The following C9orf153 variants were observed in gnomAD, a reference collection of about 807,000 sequenced individuals.
C9orf153 encodes chromosome 9 open reading frame 153, also known as uncharacterized protein C9orf153.
A neutral mutation model predicts 9.0 loss-of-function variants in C9orf153; 10 were observed. The ratio of observed to expected loss-of-function variants is 1.11; its 90% CI spans 0.69 to 1.89. The LOEUF (loss-of-function observed/expected upper bound fraction) is 1.89. Among genes scored for constraint, C9orf153 ranks in the 40% most tolerant of loss-of-function variants. The pLI is 0.00. For missense variants in C9orf153, 108 were observed against 111.0 expected, an observed-to-expected ratio of 0.97 and a Z score of 0.12; for synonymous variants, 35 against 37.3, an observed-to-expected ratio of 0.94 and a Z score of 0.23.
intron 1 of C9orf153, among the ~76,000 whole-genome samples, chr9:86,249,975 A>C (rs1007007056): frequency 6.6e-6 from 1 of 152,208 alleles, no homozygotes; most frequent in African/African-American, 2.4e-5. Context: ...CTACCACTCA[A>C]TGGGGTATAG....
In C9orf153 at chr9:86,228,044, A is replaced by T; in HGVS notation, c.67-14T>A. The T allele has an allele frequency of 1.9e-6, 3 of 1,567,948 alleles. No individual in the cohort carries two copies. Among genetic ancestry groups the T allele is most frequent in the African/African-American group, 1.4e-5 (1 of 73,110 alleles). On this transcript the variant is annotated splice_polypyrimidine_tract_variant and intron_variant, in intron 2 of 3. Transcript: ENST00000339137. ...TAATTCTGGAAGCTGTGGACAAAAAAAAAAGTGGTAAGTCACGAGACTGAC... is the reference window on the plus strand; with the variant it reads ...TAATTCTGGAAGCTGTGGACAAAAATAAAAGTGGTAAGTCACGAGACTGAC...
intron 2 of C9orf153, among the ~76,000 whole-genome samples, chr9:86,228,360 G>A (rs2131176889): frequency 6.6e-6 from 1 of 152,286 alleles, no homozygotes; most frequent in South Asian, 2.1e-4. Context: ...AGTGACCACG[G>A]AGAGAAATAG....
chr9:86,241,634 T>G (rs545294923), intron 1 of C9orf153, among the ~76,000 whole-genome samples: 17 of 151,154 alleles, frequency 1.1e-4, no homozygotes, highest in African/African-American at 3.7e-4. Flanking sequence ...TTTCGTTGTT[T>G]TTTTTTTCTG....
At chr9:86,237,337 C>T (rs564756228) in intron 1 of C9orf153, among the ~76,000 whole-genome samples, 3 of 152,216 alleles carry the variant, frequency 2.0e-5, no homozygotes, top group South Asian at 4.1e-4. Flanking sequence ...AATACAAACC[C>T]GTCACGACCA....
At chr9:86,229,449 G>A (rs1201564339) in intron 2 of C9orf153, 89 bp downstream of exon 2, 3 of 887,270 alleles carry the variant, frequency 3.4e-6, no homozygotes, top group Admixed American at 4.3e-5. Flanking sequence ...TCCCAAGTGT[G>A]TCACTGTGCG....
Position 86,221,356 on chromosome 9 carries a change from C to G in C9orf153, c.*332G>C, listed in dbSNP as rs115002178. On this transcript the variant is annotated 3_prime_UTR_variant, in exon 4 of 4. Transcript: ENST00000339137. ...CGGACCTTTTGCTCTGTATTAACGGCTTAATTTTACAATATACCTTCATGT... is the reference window on the plus strand; with the variant it reads ...CGGACCTTTTGCTCTGTATTAACGGGTTAATTTTACAATATACCTTCATGT... The G allele has an allele frequency of 1.5e-3, 400 of 258,806 alleles. 2 individuals are homozygous for G. The highest frequency in any genetic ancestry group is 8.3e-3 in the African/African-American group (371 of 44,632). The allele number at this position is 258,806 out of a possible 1,614,324, so 16.0% of individuals were successfully genotyped here.
intron 1 of C9orf153, among the ~76,000 whole-genome samples, chr9:86,258,163 G>A (rs1256296113): frequency 6.6e-6 from 1 of 152,012 alleles, no homozygotes; most frequent in Non-Finnish European, 1.5e-5. Context: ...CTAACACGGT[G>A]AAACCCTGTC....
In C9orf153 at chr9:86,228,020, A is replaced by C; in HGVS notation, c.77T>G (p.Leu26Ter). 1 of 1,599,878 alleles carries C rather than the reference A, an allele frequency of 6.3e-7. No homozygotes were observed. The highest frequency in any genetic ancestry group is 8.5e-7 in the Non-Finnish European group (1 of 1,174,000). The part of the protein sequence containing the change: ...ATLPQCSLPE[L>*]YACIENFNKE... ...ATTAAAATTCTCAATACATGCATAT[A>C]ATTCTGGAAGCTGTGGACAAAAAAA... The change falls in exon 3 of 4, where the codon TTA (leucine) becomes TGA (stop). Residue 26 changes from leucine to a stop codon, truncating the protein, a stop_gained. Coordinates refer to ENST00000339137, the MANE Select transcript of C9orf153 (RefSeq NM_001276366.4). LOFTEE classifies it high-confidence loss of function.
chr9:86,240,472 G>A (rs1824707952), intron 1 of C9orf153, among the ~76,000 whole-genome samples: 1 of 150,796 alleles, frequency 6.6e-6, no homozygotes, highest in Non-Finnish European at 1.5e-5. Context: ...TGCCCTCCTG[G>A]GTTCAAGCGA....
intron 1 of C9orf153, among the ~76,000 whole-genome samples, chr9:86,239,671 T>C (rs1824689350): frequency 6.6e-6 from 1 of 152,244 alleles, no homozygotes; most frequent in Non-Finnish European, 1.5e-5. Context: ...CTTTTGGGGC[T>C]GACAGAAAAG....
At chr9:86,232,693 C>T (rs1362188685) in intron 1 of C9orf153, among the ~76,000 whole-genome samples, 1 of 151,980 alleles carries the variant, frequency 6.6e-6, no homozygotes. Context: ...TTCTCTCTCC[C>T]ACCCAGGGTG....
At chr9:86,254,119 C>A (rs751594773) in intron 1 of C9orf153, among the ~76,000 whole-genome samples, 3 of 147,976 alleles carry the variant, frequency 2.0e-5, no homozygotes, top group African/African-American at 7.4e-5. Flanking sequence ...AAGACTGCAA[C>A]TTATTTTGCA....
intron 1 of C9orf153, among the ~76,000 whole-genome samples, chr9:86,254,426 CTT>C (rs1433343988): frequency 6.6e-6 from 1 of 152,168 alleles, no homozygotes; most frequent in African/African-American, 2.4e-5. Flanking sequence ...CTGGTATAAA[CTT>C]TGAGAAAAAT....
At position 86,221,510 on chromosome 9, in the gene C9orf153, A is replaced by T. The variant is rs1264888696; in HGVS notation, c.*178T>A. 7.3e-7 allele frequency: 1 copy of T among 1,368,102 alleles called. No homozygotes were observed. Among genetic ancestry groups the T allele is most frequent in the East Asian group, 2.8e-5 (1 of 35,776 alleles). The allele number at this position is 1,368,102 out of a possible 1,614,324, so 84.7% of individuals were successfully genotyped here. ...TTTTAATACACTACATATTCCATTTAAGAGAATAACTTCCTTCATTTTGAT... is the reference window on the plus strand; with the variant it reads ...TTTTAATACACTACATATTCCATTTTAGAGAATAACTTCCTTCATTTTGAT... On this transcript the variant is annotated 3_prime_UTR_variant, in exon 4 of 4. Coordinates refer to ENST00000339137, the MANE Select transcript of C9orf153 (RefSeq NM_001276366.4).
chr9:86,246,671 G>A (rs1409125010), intron 1 of C9orf153, among the ~76,000 whole-genome samples: 1 of 152,118 alleles, frequency 6.6e-6, no homozygotes, highest in Non-Finnish European at 1.5e-5. Context: ...ATGTATATGT[G>A]TTATTTAAAG....
intron 1 of C9orf153, among the ~76,000 whole-genome samples, chr9:86,258,868 G>T (rs1825184642): frequency 6.6e-6 from 1 of 151,286 alleles, no homozygotes; most frequent in African/African-American, 2.4e-5. Context: ...ATGTTTGTGT[G>T]GTACGTTTGT....
At chr9:86,233,028 C>T (rs963883085) in intron 1 of C9orf153, among the ~76,000 whole-genome samples, 1 of 152,108 alleles carries the variant, frequency 6.6e-6, no homozygotes, top group African/African-American at 2.4e-5. Flanking sequence ...CCATTGCGCC[C>T]GGCCCCTCCT....
chr9:86,246,566 A>T (rs1587808070), intron 1 of C9orf153, among the ~76,000 whole-genome samples: 1 of 152,110 alleles, frequency 6.6e-6, no homozygotes, highest in African/African-American at 2.4e-5. Flanking sequence ...ACATGAAATA[A>T]TTTTTTTTAA....
chr9:86,231,956 T>C (rs1393077172), intron 1 of C9orf153, among the ~76,000 whole-genome samples: 1 of 152,164 alleles, frequency 6.6e-6, no homozygotes, highest in African/African-American at 2.4e-5. Flanking sequence ...CACCAAGGGT[T>C]AATAAATTTT....
Sources: allele counts gnomAD v4.1 joint callset (sites outside exome capture counted in the v4.1 genomes callset), GRCh38; gene constraint gnomAD v4.1.1; transcripts MANE v1.5; gene names NCBI Gene and HGNC (gene_info 2026-07-23, HGNC 2026-07-21).